DDR2: variants seen among roughly 807,000 people sequenced by gnomAD.
DDR2 encodes the protein discoidin domain receptor tyrosine kinase 2, also known as discoidin domain-containing receptor 2.
In DDR2, 27 loss-of-function variants were observed where a neutral mutation model predicts 94.9. That is an observed-to-expected ratio of 0.28 (90% confidence interval 0.21 to 0.39). The LOEUF (loss-of-function observed/expected upper bound fraction) is 0.39. Ranked by LOEUF, DDR2 falls within the 10% of genes least tolerant of loss-of-function variation. DDR2 has a pLI of 1.00. For synonymous variants in DDR2, 382 were observed against 377.2 expected (o/e 1.01, Z -0.15); for missense variants, 783 against 1,076.0 (o/e 0.73, Z 3.81).
chr1:162,667,570 G>A (rs373284294), intron 2 of DDR2, among the ~76,000 whole-genome samples: 6 of 152,152 alleles, frequency 3.9e-5, no homozygotes, highest in Admixed American at 1.3e-4. Context: ...CAAGAAGCTC[G>A]AGGCCAAACA....
intron 2 of DDR2, among the ~76,000 whole-genome samples, chr1:162,693,162 G>A (rs760496963): frequency 5.3e-5 from 8 of 152,188 alleles, no homozygotes; most frequent in Non-Finnish European, 1.2e-4. Context: ...TACCTTTGGG[G>A]AAGAGCAAGA....
intron 7 of DDR2, among the ~76,000 whole-genome samples, chr1:162,758,380 A>T (rs1404291339): frequency 6.6e-6 from 1 of 152,220 alleles, no homozygotes; most frequent in South Asian, 2.1e-4. Flanking sequence ...GGTGATTTTA[A>T]TAACTCTAAA....
intron 5 of DDR2, 89 bp downstream of exon 5, chr1:162,754,944 A>G: frequency 6.6e-7 from 1 of 1,521,436 alleles, no homozygotes; most frequent in Non-Finnish European, 9.0e-7. Flanking sequence ...TTCTGTGTGG[A>G]TATGTGTGTC....
chr1:162,651,803 C>G (rs938206100), intron 1 of DDR2, among the ~76,000 whole-genome samples: 1 of 152,034 alleles, frequency 6.6e-6, no homozygotes, highest in Non-Finnish European at 1.5e-5. Context: ...AAAAATGAGT[C>G]GAATCTTGGT....
chr1:162,648,789 A>C (rs1233068944), intron 1 of DDR2, among the ~76,000 whole-genome samples: 3 of 152,174 alleles, frequency 2.0e-5, no homozygotes, highest in Non-Finnish European at 4.4e-5. Context: ...GCGTGGAACA[A>C]GCACATCAGC....
chr1:162,749,788 C>T (rs1663085633), intron 3 of DDR2, among the ~76,000 whole-genome samples: 1 of 152,218 alleles, frequency 6.6e-6, no homozygotes, highest in Admixed American at 6.5e-5. Context: ...CTGAATCCAG[C>T]AGACAACAAA....
chr1:162,662,876 T>C (rs1040786410), intron 2 of DDR2, among the ~76,000 whole-genome samples: 1 of 152,036 alleles, frequency 6.6e-6, no homozygotes, highest in African/African-American at 2.4e-5. Flanking sequence ...TTTTCTAAAC[T>C]GAATAACTGA....
chr1:162,714,699 T>C (rs562102090), intron 2 of DDR2, among the ~76,000 whole-genome samples: 41 of 152,326 alleles, frequency 2.7e-4, no homozygotes, highest in African/African-American at 9.9e-4. Context: ...CCTGTACATA[T>C]GTTTCTTTAA....
chr1:162,656,211 C>T (rs1165075608), intron 2 of DDR2, among the ~76,000 whole-genome samples: 1 of 152,168 alleles, frequency 6.6e-6, no homozygotes, highest in Admixed American at 6.5e-5. Context: ...CCTCTAGCAT[C>T]TAGCACAGGG....
Position 162,778,861 on chromosome 1 carries a change from A to G in DDR2, c.2433+132A>G, listed in dbSNP as rs1396565285. On this transcript the variant is annotated intron_variant, in intron 17 of 17. Transcript: ENST00000367921. ...CAGGTGTTAGTCTTTGTCACTAACT[A>G]TCCAGATGATGTGAAAGACCAGTAT... is the stretch of plus-strand genomic sequence containing the variant. 3 of 1,226,398 alleles carry G rather than the reference A, an allele frequency of 2.4e-6. No homozygotes were observed. The African/African-American group carries it at 4.5e-5, about 18-fold the overall frequency. The allele number at this position is 1,226,398 out of a possible 1,614,324, so 76.0% of individuals were successfully genotyped here. A position where few individuals can be genotyped will look rare whatever the true frequency, so the allele number is the denominator to read the frequency against.
At chr1:162,664,152 A>G (rs1232852829) in intron 2 of DDR2, among the ~76,000 whole-genome samples, 1 of 152,188 alleles carries the variant, frequency 6.6e-6, no homozygotes, top group Non-Finnish European at 1.5e-5. Flanking sequence ...TTTTGCTACA[A>G]ACTAATTTTA....
intron 2 of DDR2, among the ~76,000 whole-genome samples, chr1:162,656,861 T>TTTA (rs1658007593): frequency 7.1e-6 from 1 of 141,680 alleles, no homozygotes; most frequent in African/African-American, 2.6e-5. Flanking sequence ...TTTTTTTTGT[T>TTTA]AACAGGGTTT....
chr1:162,665,664 TC>T (rs1359374729), intron 2 of DDR2, among the ~76,000 whole-genome samples: 2 of 151,908 alleles, frequency 1.3e-5, no homozygotes, highest in East Asian at 3.9e-4. Flanking sequence ...AAAAGTCAAC[TC>T]CATGGGGAGG....
chr1:162,754,597 C>T (rs765453119), intron 4 of DDR2, 27 bp from the exon 5 acceptor site: 2 of 1,610,522 alleles, frequency 1.2e-6, no homozygotes, highest in African/African-American at 1.3e-5. Context: ...TGGTTGCTCC[C>T]TCTCTCCCCA....
At chr1:162,733,361 G>C (rs1405996111) in intron 3 of DDR2, among the ~76,000 whole-genome samples, 1 of 152,130 alleles carries the variant, frequency 6.6e-6, no homozygotes, top group Non-Finnish European at 1.5e-5. Context: ...AAACCACACT[G>C]GTACAGCTCA....
intron 2 of DDR2, among the ~76,000 whole-genome samples, chr1:162,718,512 C>G (rs935971141): frequency 6.6e-6 from 1 of 152,128 alleles, no homozygotes. Context: ...GTCTCCAAAT[C>G]TAATCTATTA....
intron 7 of DDR2, 83 bp from the exon 8 acceptor site, chr1:162,759,713 A>T: frequency 6.6e-7 from 1 of 1,523,898 alleles, no homozygotes; most frequent in African/African-American, 1.4e-5. Flanking sequence ...TGGAGTGAAG[A>T]TGCCGGGTAA....
chr1:162,719,753 T>C (rs1661335641), intron 3 of DDR2, among the ~76,000 whole-genome samples: 1 of 152,206 alleles, frequency 6.6e-6, no homozygotes, highest in South Asian at 2.1e-4. Flanking sequence ...TAACAACCTA[T>C]CCAAAGCTCA....
At chr1:162,729,302 T>TATATATA (rs67580875) in intron 3 of DDR2, among the ~76,000 whole-genome samples, 7 of 78,960 alleles carry the variant, frequency 8.9e-5, no homozygotes, top group South Asian at 4.3e-4. Flanking sequence ...ATATATATAT[T>TATATATA]TTTTTTTTTT....
Sources: gnomAD v4.1 joint callset for allele counts (sites outside exome capture counted in the v4.1 genomes callset) on GRCh38, gnomAD v4.1.1 for gene constraint, MANE v1.5 for transcripts, NCBI Gene and HGNC (gene_info 2026-07-23, HGNC 2026-07-21) for gene names.